The following RBFOX1 variants were observed in gnomAD, a reference collection of about 807,000 sequenced individuals.
RBFOX1 encodes the protein RNA binding protein fox-1 homolog 1.
Under a neutral mutation model 57.7 loss-of-function variants are expected in RBFOX1, and 8 were observed. The ratio of observed to expected loss-of-function variants is 0.14; its 90% CI spans 0.08 to 0.25. The LOEUF (loss-of-function observed/expected upper bound fraction) is 0.25. Among genes scored for constraint, RBFOX1 ranks in the 10% least tolerant of loss-of-function variants. The pLI is 1.00. For missense variants in RBFOX1, 611 were observed against 548.5 expected (o/e 1.11, Z -1.14); for synonymous variants, 326 against 222.4 (o/e 1.47, Z -4.15).
intron 4 of RBFOX1, among the ~76,000 whole-genome samples, chr16:7,059,391 A>G (rs1022284046): frequency 6.6e-6 from 1 of 152,186 alleles, no homozygotes; most frequent in Admixed American, 6.5e-5. Context: ...TTATTTATTC[A>G]AGAAATATTT....
At chr16:7,436,947 G>T (rs2098726507) in intron 4 of RBFOX1, among the ~76,000 whole-genome samples, 3 of 152,166 alleles carry the variant, frequency 2.0e-5, no homozygotes, top group Non-Finnish European at 1.5e-5. Context: ...TGGTCATGGT[G>T]ATACGCGCCT....
chr16:5,705,335 C>A (rs2051202206), intron 3 of RBFOX1, among the ~76,000 whole-genome samples: 1 of 152,130 alleles, frequency 6.6e-6, no homozygotes. Flanking sequence ...GATCCTTGAT[C>A]ACTGCAACCT....
In RBFOX1 at chr16:6,114,917, A is replaced by T. The variant is rs1245358931; in HGVS notation, c.-127+94925A>T. On this transcript the variant is annotated intron_variant, in intron 1 of 15. Transcript: ENST00000550418. ...AGAGTTGGCAACATACGGGCTATTC[A>T]CAACTATATTTACACTGACTTAGAC... Among the ~76,000 whole-genome samples, 3 of 152,200 alleles carry T rather than the reference A, an allele frequency of 2.0e-5. No individual in the cohort carries two copies. The East Asian group carries it at 5.8e-4, about 29-fold the overall frequency.
At chr16:7,133,344 T>G (rs7206460) in intron 4 of RBFOX1, among the ~76,000 whole-genome samples, 1 of 152,080 alleles carries the variant, frequency 6.6e-6, no homozygotes, top group Non-Finnish European at 1.5e-5. Flanking sequence ...GGACTCTTGT[T>G]TCTGTAAATT....
chr16:5,522,758 C>T (rs534544155), intron 2 of RBFOX1, among the ~76,000 whole-genome samples: 78 of 152,276 alleles, frequency 5.1e-4, no homozygotes, highest in African/African-American at 1.8e-3. Flanking sequence ...AGATGAGTTG[C>T]TGTAGCTTTG....
chr16:5,570,174 ACT>A lies in RBFOX1; in HGVS notation c.259-28721_259-28720del, dbSNP rs574333302. On this transcript the variant is annotated intron_variant, in intron 2 of 2. Coordinates refer to the RBFOX1 transcript ENST00000585867. ...ATTGTTGGTTCTTCCTTATGTGCTC[ACT>A]CTCTCTTTTTTTTCCTCTTCTAACT... is the stretch of plus-strand genomic sequence containing the variant. Among the ~76,000 whole-genome samples, 275 of 151,924 alleles carry A rather than the reference ACT, an allele frequency of 1.8e-3. 2 individuals carry two copies. The highest frequency in any genetic ancestry group is 6.1e-3 in the African/African-American group (252 of 41,428).
At chr16:7,572,703 G>A (rs1284261557) in intron 5 of RBFOX1, among the ~76,000 whole-genome samples, 2 of 152,160 alleles carry the variant, frequency 1.3e-5, no homozygotes, top group Admixed American at 6.5e-5. Flanking sequence ...GCTGGGCGTA[G>A]TGGCTGGCGC....
intron 4 of RBFOX1, among the ~76,000 whole-genome samples, chr16:7,210,334 C>T (rs1316831996): frequency 6.6e-6 from 1 of 152,148 alleles, no homozygotes; most frequent in Non-Finnish European, 1.5e-5. Context: ...TGGGCAGGAG[C>T]TGACAGCGTG....
At chr16:7,565,588 G>A (rs945242692) in intron 5 of RBFOX1, among the ~76,000 whole-genome samples, 4 of 152,178 alleles carry the variant, frequency 2.6e-5, no homozygotes, top group Admixed American at 6.5e-5. Flanking sequence ...TGCAAGAAGA[G>A]ACAGAGCAAG....
At chr16:6,844,969 G>A (rs767828002) in intron 3 of RBFOX1, among the ~76,000 whole-genome samples, 2 of 152,164 alleles carry the variant, frequency 1.3e-5, no homozygotes, top group Non-Finnish European at 2.9e-5. Flanking sequence ...TTTGTTGGCC[G>A]CATGTATGTC....
At chr16:6,952,586 C>T (rs2080987407) in intron 3 of RBFOX1, among the ~76,000 whole-genome samples, 1 of 152,000 alleles carries the variant, frequency 6.6e-6, no homozygotes, top group East Asian at 1.9e-4. Flanking sequence ...TGCAGTGAGC[C>T]ATGATCATGC....
At chr16:7,473,807 T>C (rs1480612242) in intron 4 of RBFOX1, among the ~76,000 whole-genome samples, 1 of 152,148 alleles carries the variant, frequency 6.6e-6, no homozygotes. Context: ...TCTCATCTAC[T>C]AATTGCTTTC....
At chr16:6,290,536 C>T (rs190925072) in intron 1 of RBFOX1, among the ~76,000 whole-genome samples, 65 of 152,224 alleles carry the variant, frequency 4.3e-4, no homozygotes, top group Admixed American at 3.3e-3. Context: ...CAGTGATGTC[C>T]GTGTGAATAA....
chr16:7,519,996 C>T (rs2077184279), intron 5 of RBFOX1, among the ~76,000 whole-genome samples: 1 of 152,136 alleles, frequency 6.6e-6, no homozygotes, highest in Non-Finnish European at 1.5e-5. Flanking sequence ...CGCCATTCTC[C>T]TGCCTCAGTC....
chr16:6,287,498 A>G (rs1250627074), intron 1 of RBFOX1, among the ~76,000 whole-genome samples: 1 of 152,158 alleles, frequency 6.6e-6, no homozygotes, highest in African/African-American at 2.4e-5. Flanking sequence ...TGCAATACCA[A>G]ATACTAGATT....
intron 5 of RBFOX1, among the ~76,000 whole-genome samples, chr16:7,533,610 T>G (rs533343424): frequency 6.6e-6 from 1 of 152,262 alleles, no homozygotes; most frequent in South Asian, 2.1e-4. Context: ...ATGGGCAAAA[T>G]CATCTAACAC....
rs559611315 is a variant in RBFOX1, at chr16:5,483,411, A to G, written c.258+16157A>G. Among the ~76,000 whole-genome samples the G allele has an allele frequency of 5.9e-5, 9 of 152,234 alleles. No individual in the cohort carries two copies. The East Asian group carries it at 1.7e-3, about 30-fold the overall frequency. On this transcript the variant is annotated intron_variant, in intron 2 of 2. Coordinates refer to the RBFOX1 transcript ENST00000585867. ...GAGGAAGTACTGCTTGACTAATCCCATGAGGCATTTTTTCCCCATCTGTAA... is the reference window on the plus strand; with the variant it reads ...GAGGAAGTACTGCTTGACTAATCCCGTGAGGCATTTTTTCCCCATCTGTAA...
At chr16:6,797,672 A>T (rs1413312850) in intron 3 of RBFOX1, among the ~76,000 whole-genome samples, 1 of 152,126 alleles carries the variant, frequency 6.6e-6, no homozygotes, top group Non-Finnish European at 1.5e-5. Context: ...GGTCCTAGAG[A>T]TTTATGAGTA....
intron 4 of RBFOX1, among the ~76,000 whole-genome samples, chr16:7,179,667 A>T (rs1233731001): frequency 1.3e-5 from 2 of 152,108 alleles, no homozygotes; most frequent in Non-Finnish European, 2.9e-5. Context: ...CAATGAATTT[A>T]TTTGAGATGC....
Sources: allele counts gnomAD v4.1 joint callset (sites outside exome capture counted in the v4.1 genomes callset), GRCh38; gene constraint gnomAD v4.1.1; transcripts MANE v1.5; gene names NCBI Gene and HGNC (gene_info 2026-07-23, HGNC 2026-07-21).